The following PGM1 variants were observed in gnomAD, a reference collection of about 807,000 sequenced individuals.
PGM1 encodes the protein phosphoglucomutase 1, also known as phosphoglucomutase-1.
A neutral mutation model predicts 55.6 loss-of-function variants in PGM1; 52 were observed. The ratio of observed to expected loss-of-function variants is 0.94; its 90% CI spans 0.75 to 1.18. The LOEUF is 1.18. Among genes scored for constraint, PGM1 ranks in the 50% most tolerant of loss-of-function variants. The pLI is 0.00. For synonymous variants in PGM1, 287 were observed against 271.7 expected (o/e 1.06, Z -0.55); for missense variants, 724 against 729.3 (o/e 0.99, Z 0.08).
intron 1 of PGM1, among the ~76,000 whole-genome samples, chr1:63,596,477 G>A (rs778368874): frequency 5.3e-5 from 8 of 151,904 alleles, no homozygotes; most frequent in Non-Finnish European, 8.8e-5. Context: ...GGCTGGTCTC[G>A]AACTTCTGAT....
chr1:63,655,115 C>A lies in PGM1; in HGVS notation c.1599+649C>A, dbSNP rs116767372. Among the ~76,000 whole-genome samples, 3 of 151,674 alleles carry A rather than the reference C, an allele frequency of 2.0e-5. No homozygotes were observed. The South Asian group carries it at 6.2e-4, about 32-fold the overall frequency. ...ACCTGAGTAGCTCGGATTACAGGCA[C>A]GTGCCACCATGCTCTGCTCATTTCC... On this transcript the variant is annotated intron_variant, in intron 10 of 10. Coordinates refer to ENST00000371084, the MANE Select transcript of PGM1 (RefSeq NM_002633.3).
intron 7 of PGM1, among the ~76,000 whole-genome samples, chr1:63,642,270 G>A (rs958532798): frequency 1.3e-5 from 2 of 152,184 alleles, no homozygotes; most frequent in African/African-American, 4.8e-5. Context: ...ACATTAGTCT[G>A]TTTGTATACA....
chr1:63,651,048 A>G (rs6689728), intron 8 of PGM1, among the ~76,000 whole-genome samples: 3,963 of 152,156 alleles, frequency 0.026, 158 homozygotes, highest in African/African-American at 0.091. Context: ...CGTTCTGCAC[A>G]TGTATCTTGA....
intron 1 of PGM1, among the ~76,000 whole-genome samples, chr1:63,625,653 A>G (rs907890714): frequency 5.3e-5 from 8 of 152,188 alleles, no homozygotes. Context: ...TTTAATACCC[A>G]CTGTGCCCAT....
chr1:63,613,299 C>T (rs937104640), intron 1 of PGM1, among the ~76,000 whole-genome samples: 7 of 135,916 alleles, frequency 5.2e-5, no homozygotes, highest in African/African-American at 2.0e-4. Flanking sequence ...TAGCAGTTTC[C>T]TAGGGCTGCT....
At chr1:63,623,343 A>T in intron 1 of PGM1, 1 of 1,510,986 alleles carries the variant, frequency 6.6e-7, no homozygotes, top group East Asian at 2.3e-5. Context: ...GTCCATGCAA[A>T]CCCTCTATTT....
At chr1:63,615,050 G>A (rs1168457115) in intron 1 of PGM1, among the ~76,000 whole-genome samples, 2 of 152,188 alleles carry the variant, frequency 1.3e-5, no homozygotes. Context: ...AGCAGGGACT[G>A]TACTTGATTC....
At chr1:63,614,456 GC>G (rs1648654442) in intron 1 of PGM1, among the ~76,000 whole-genome samples, 1 of 152,118 alleles carries the variant, frequency 6.6e-6, no homozygotes, top group Admixed American at 6.6e-5. Flanking sequence ...ATGAGCCACT[GC>G]CCATCTAAGG....
In PGM1 at chr1:63,634,818, G is replaced by A. The variant is rs1266560471; in HGVS notation, c.683-11G>A. The A allele has an allele frequency of 6.2e-7, 1 of 1,607,468 alleles. No individual in the cohort carries two copies. The highest frequency in any genetic ancestry group is 1.1e-5 in the South Asian group (1 of 90,918). On this transcript the variant is annotated splice_polypyrimidine_tract_variant and intron_variant, in intron 4 of 10. Coordinates refer to ENST00000371084, the MANE Select transcript of PGM1 (RefSeq NM_002633.3). ...CTGATTCTGCATACATTTATTCCATGCTGTATATAGTTGTGGGACCGTATG... is the reference window on the plus strand; with the variant it reads ...CTGATTCTGCATACATTTATTCCATACTGTATATAGTTGTGGGACCGTATG...
rs1056741145 is a variant in PGM1 at position 63,659,349 on chromosome 1, A to G, written c.1600-237A>G. 2.6e-5 allele frequency among the ~76,000 whole-genome samples: 4 copies of G among 152,338 alleles called. No individual in the cohort carries two copies. In the South Asian group the frequency reaches 8.3e-4, roughly 32 times the overall value. On this transcript the variant is annotated intron_variant, in intron 10 of 10. Coordinates refer to ENST00000371084, the MANE Select transcript of PGM1 (RefSeq NM_002633.3). ...CTGGGCATGGGGAAAATGCAGAGGAAGATGTCAGGAGCAACTCCTAGTTGT... is the reference window on the plus strand; with the variant it reads ...CTGGGCATGGGGAAAATGCAGAGGAGGATGTCAGGAGCAACTCCTAGTTGT...
intron 1 of PGM1, among the ~76,000 whole-genome samples, chr1:63,613,178 G>C (rs1648612979): frequency 6.6e-6 from 1 of 151,744 alleles, no homozygotes; most frequent in Non-Finnish European, 1.5e-5. Context: ...GTAGGGGGTT[G>C]GGGGGCAGGG....
Position 63,610,239 on chromosome 1 carries a change from T to C in PGM1, c.246+16505T>C, listed in dbSNP as rs573736126. ...GCCACTCAAATATGAATTATTTGGT[T>C]GTTTTTGAAACTGTAATGTTGCTTC... On this transcript the variant is annotated intron_variant, in intron 1 of 10. Transcript: ENST00000371084. 4.6e-5 allele frequency among the ~76,000 whole-genome samples: 7 copies of C among 152,330 alleles called. No homozygotes were observed. In the South Asian group the frequency reaches 1.2e-3, roughly 27 times the overall value.
intron 4 of PGM1, 94 bp downstream of exon 4, chr1:63,631,876 A>G (rs1649205427): frequency 8.3e-7 from 1 of 1,197,758 alleles, no homozygotes; most frequent in African/African-American, 1.5e-5. Context: ...CCTTTTCTCA[A>G]GTCTCTCTGA....
chr1:63,598,685 A>C (rs891755974), intron 1 of PGM1, among the ~76,000 whole-genome samples: 1 of 152,176 alleles, frequency 6.6e-6, no homozygotes, highest in African/African-American at 2.4e-5. Flanking sequence ...TTATTTTGTC[A>C]TTCATATTCA....
At chr1:63,601,864 A>G (rs1230591655) in intron 1 of PGM1, among the ~76,000 whole-genome samples, 1 of 152,224 alleles carries the variant, frequency 6.6e-6, no homozygotes, top group Non-Finnish European at 1.5e-5. Context: ...CCAAGGCATA[A>G]AGACAGCCCT....
intron 1 of PGM1, among the ~76,000 whole-genome samples, chr1:63,604,687 T>G (rs1293335456): frequency 6.6e-6 from 1 of 152,184 alleles, no homozygotes; most frequent in South Asian, 2.1e-4. Flanking sequence ...TCTTTGGCCA[T>G]GAAGACAGCC....
chr1:63,659,090 A>T (rs1650042529), intron 10 of PGM1, among the ~76,000 whole-genome samples: 1 of 152,204 alleles, frequency 6.6e-6, no homozygotes, highest in Non-Finnish European at 1.5e-5. Context: ...CTTGGGAATT[A>T]TGGGAGCTAC....
chr1:63,648,715 G>A (rs192156370), intron 8 of PGM1, 63 bp downstream of exon 8: 47 of 1,542,346 alleles, frequency 3.0e-5, no homozygotes, highest in East Asian at 6.7e-5. Flanking sequence ...GAATTCTTGC[G>A]CATCCACAGC....
Position 63,651,649 on chromosome 1 carries a change from A to G in PGM1, c.1281-20A>G. 1 of 1,612,546 alleles carries G rather than the reference A, an allele frequency of 6.2e-7. No homozygotes were observed. On this transcript the variant is annotated intron_variant, in intron 8 of 10. Transcript: ENST00000371084. ...GATCTGCAGTCAGCCCGTGGGCCTC[A>G]ACTTCGTGACTTCTTCCAGGTATGA...
Sources: gnomAD v4.1 joint callset for allele counts (sites outside exome capture counted in the v4.1 genomes callset) on GRCh38, gnomAD v4.1.1 for gene constraint, MANE v1.5 for transcripts, NCBI Gene and HGNC (gene_info 2026-07-23, HGNC 2026-07-21) for gene names.